The following AGBL1 variants were observed in gnomAD, a reference collection of about 807,000 sequenced individuals.
AGBL1 encodes the protein AGBL carboxypeptidase 1.
Under a neutral mutation model 118.9 loss-of-function variants are expected in AGBL1, and 130 were observed. That is an observed-to-expected ratio of 1.09 (90% confidence interval 0.95 to 1.26). The LOEUF (loss-of-function observed/expected upper bound fraction) is 1.26. Among genes scored for constraint, AGBL1 ranks in the 50% most tolerant of loss-of-function variants. The probability of loss-of-function intolerance (pLI) is 0.00; values close to 1 mark genes in which losing one functional copy is unlikely to be tolerated. For missense variants in AGBL1, 1,584 were observed against 1,298.1 expected, an observed-to-expected ratio of 1.22 and a Z score of -3.38; for synonymous variants, 555 against 478.9, an observed-to-expected ratio of 1.16 and a Z score of -2.08.
chr15:86,741,025 C>A (rs2077669900), intron 22 of AGBL1, among the ~76,000 whole-genome samples: 1 of 151,946 alleles, frequency 6.6e-6, no homozygotes, highest in South Asian at 2.1e-4. Context: ...TTTATTTTGC[C>A]TGGGAGCACA....
chr15:86,387,113 T>G (rs2141973280), intron 17 of AGBL1, among the ~76,000 whole-genome samples: 1 of 152,160 alleles, frequency 6.6e-6, no homozygotes, highest in Admixed American at 6.5e-5. Flanking sequence ...GGTCACATGG[T>G]GAGTTGTACA....
intron 21 of AGBL1, among the ~76,000 whole-genome samples, chr15:86,560,033 C>A (rs1249925698): frequency 1.3e-5 from 2 of 152,098 alleles, no homozygotes; most frequent in Non-Finnish European, 2.9e-5. Context: ...ATTATGTTGA[C>A]CAAGTTTTTT....
chr15:87,008,798 G>A (rs28786791), intron 24 of AGBL1, among the ~76,000 whole-genome samples: 9,364 of 152,268 alleles, frequency 0.061, 967 homozygotes, highest in African/African-American at 0.21. Context: ...TTATGTTTTA[G>A]CTAAGAGATT....
At chr15:86,179,445 A>T (rs979310438) in intron 5 of AGBL1, among the ~76,000 whole-genome samples, 30 of 152,220 alleles carry the variant, frequency 2.0e-4, no homozygotes, top group South Asian at 4.1e-4. Context: ...TATATAAAAA[A>T]TTAAGAAAAC....
At chr15:86,940,033 C>A (rs1342628064) in intron 23 of AGBL1, among the ~76,000 whole-genome samples, 1 of 139,774 alleles carries the variant, frequency 7.2e-6, no homozygotes, top group Non-Finnish European at 1.5e-5. Flanking sequence ...AGGCATGTGT[C>A]AACAAACTCA....
chr15:86,775,040 T>C (rs2078235455), intron 22 of AGBL1, among the ~76,000 whole-genome samples: 3 of 152,208 alleles, frequency 2.0e-5, no homozygotes, highest in African/African-American at 7.2e-5. Flanking sequence ...ACCCCTGCTC[T>C]ATGGCAGACA....
intron 5 of AGBL1, among the ~76,000 whole-genome samples, chr15:86,172,295 A>G (rs1169104169): frequency 2.0e-5 from 3 of 152,252 alleles, no homozygotes; most frequent in East Asian, 1.9e-4. Context: ...ATACATTCAC[A>G]CAATGTGTAA....
chr15:86,611,541 A>G (rs1335571198), intron 21 of AGBL1, among the ~76,000 whole-genome samples: 2 of 152,190 alleles, frequency 1.3e-5, no homozygotes, highest in African/African-American at 4.8e-5. Context: ...ATATTCACCA[A>G]TCCCAGGAAG....
intron 18 of AGBL1, among the ~76,000 whole-genome samples, chr15:86,521,405 A>G (rs137947018): frequency 6.6e-6 from 1 of 152,168 alleles, no homozygotes; most frequent in Non-Finnish European, 1.5e-5. Context: ...TAGAGTTTTG[A>G]TGGTGACCAA....
intron 22 of AGBL1, among the ~76,000 whole-genome samples, chr15:86,816,518 C>T (rs536218909): frequency 6.6e-6 from 1 of 152,296 alleles, no homozygotes; most frequent in Non-Finnish European, 1.5e-5. Context: ...GTAGAACATT[C>T]ATCTGGAAGT....
intron 22 of AGBL1, among the ~76,000 whole-genome samples, chr15:86,688,631 C>G (rs1374801415): frequency 2.0e-5 from 3 of 152,096 alleles, no homozygotes; most frequent in Non-Finnish European, 2.9e-5. Context: ...ATGAATCAAA[C>G]ATTACTCAAA....
chr15:86,466,781 TA>T (rs1436779779), intron 18 of AGBL1, among the ~76,000 whole-genome samples: 5 of 152,234 alleles, frequency 3.3e-5, no homozygotes, highest in African/African-American at 1.2e-4. Flanking sequence ...GAGTTTGCTT[TA>T]GGTCCACTCC....
chr15:86,317,515 G>C (rs1410600082), intron 17 of AGBL1, among the ~76,000 whole-genome samples: 1 of 152,122 alleles, frequency 6.6e-6, no homozygotes, highest in East Asian at 1.9e-4. Context: ...ATGATGAATC[G>C]GCACCACTCC....
chr15:86,291,015 T>A (rs1030926955), intron 16 of AGBL1, among the ~76,000 whole-genome samples: 2 of 152,198 alleles, frequency 1.3e-5, no homozygotes, highest in African/African-American at 2.4e-5. Context: ...ACAAAGGACA[T>A]GAACTCATCA....
chr15:86,810,931 C>T (rs1031284455), intron 22 of AGBL1, among the ~76,000 whole-genome samples: 1 of 152,142 alleles, frequency 6.6e-6, no homozygotes, highest in Non-Finnish European at 1.5e-5. Flanking sequence ...CTTATGGACA[C>T]ACAGAGGAGG....
In AGBL1 at chr15:86,522,868, C is replaced by T; in HGVS notation, c.2614C>T (p.His872Tyr). ...LNRQWLSPSAHLQPTIYHAKG... is the reference protein window; with the variant it reads ...LNRQWLSPSAYLQPTIYHAKG... Reference sequence around the variant, plus strand: ...CAGACAATGGCTTTCTCCCAGTGCTCATCTGCAGCCAACCATTTACCATGC... The same window carrying T: ...CAGACAATGGCTTTCTCCCAGTGCTTATCTGCAGCCAACCATTTACCATGC... The change falls in exon 19 of 23, where the codon CAT (histidine) becomes TAT (tyrosine). Residue 872 changes from histidine to tyrosine, a missense_variant. By Grantham distance (83) the His-to-Tyr change is moderately conservative (BLOSUM62 2). Transcript: ENST00000614907. 1.2e-6 allele frequency: 2 copies of T among 1,613,954 alleles called. No individual in the cohort carries two copies. Among genetic ancestry groups the T allele is most frequent in the Middle Eastern group, 1.6e-4 (1 of 6,062 alleles).
At position 86,660,081 on chromosome 15, in the gene AGBL1, C is replaced by CT. The variant is rs2085515672; in HGVS notation, c.2995-14189dup. On this transcript the variant is annotated intron_variant, in intron 21 of 22. Coordinates refer to ENST00000614907, the MANE Select transcript of AGBL1 (RefSeq NM_001386094.1). ...GATTGTTATGAATTTAGCATATTCC[C>CT]TTTATCTAGTAAGCAGAACCATAGA... Among the ~76,000 whole-genome samples the CT allele has an allele frequency of 2.6e-5, 4 of 151,800 alleles. No individual in the cohort carries two copies. In the East Asian group the frequency reaches 7.7e-4, roughly 29 times the overall value.
At chr15:86,123,915 C>A (rs1567069485) in intron 1 of AGBL1, among the ~76,000 whole-genome samples, 1 of 152,112 alleles carries the variant, frequency 6.6e-6, no homozygotes, top group Non-Finnish European at 1.5e-5. Flanking sequence ...CCGCCACAGA[C>A]CAGAGGAGAC....
intron 19 of AGBL1, among the ~76,000 whole-genome samples, chr15:86,532,643 G>A (rs1199740415): frequency 7.9e-4 from 118 of 150,118 alleles, no homozygotes; most frequent in African/African-American, 2.5e-3. Flanking sequence ...AAAAGAGCCC[G>A]CATCGCCAAG....
Sources: gnomAD v4.1 joint callset for allele counts (sites outside exome capture counted in the v4.1 genomes callset) on GRCh38, gnomAD v4.1.1 for gene constraint, MANE v1.5 for transcripts, NCBI Gene and HGNC (gene_info 2026-07-23, HGNC 2026-07-21) for gene names.